Variants in AZIN2 observed in about 807,000 individuals in gnomAD.
AZIN2 encodes the protein ODC antizyme inhibitor-2.
AZIN2 carries 28 observed loss-of-function variants against 47.8 expected under a neutral mutation model. The ratio of observed to expected loss-of-function variants is 0.59; its 90% CI spans 0.43 to 0.80. AZIN2 has a LOEUF of 0.80. Among genes scored for constraint, AZIN2 ranks in the 30% least tolerant of loss-of-function variants. The pLI is 0.00. For missense variants in AZIN2, 535 were observed against 582.5 expected, an observed-to-expected ratio of 0.92 and a Z score of 0.84; for synonymous variants, 221 against 239.4, an observed-to-expected ratio of 0.92 and a Z score of 0.71.
intron 8 of AZIN2, among the ~76,000 whole-genome samples, chr1:33,096,390 G>A (rs1032035653): frequency 5.3e-5 from 8 of 152,118 alleles, no homozygotes; most frequent in African/African-American, 1.4e-4. Flanking sequence ...TAACAAACTG[G>A]TTATTTATGA....
At chr1:33,159,613 C>A in the AZIN2 span, 1 of 1,517,126 alleles carries the variant, frequency 6.6e-7, no homozygotes, top group Non-Finnish European at 8.8e-7. The surrounding 1 kb of genome is among the most constrained non-coding windows in gnomAD (Gnocchi z 4.2). Context: ...ATCCCATCTG[C>A]CTCCACTCCC....
chr1:33,092,027 C>G, intron 5 of AZIN2, 23 bp from the exon 6 acceptor site: 2 of 1,607,376 alleles, frequency 1.2e-6, no homozygotes, highest in Non-Finnish European at 1.7e-6. Context: ...TGCCTCCTTA[C>G]AACCACCTTT....
intron 10 of AZIN2, 59 bp from the exon 11 acceptor site, chr1:33,117,843 G>A: frequency 6.3e-7 from 1 of 1,580,830 alleles, no homozygotes; most frequent in South Asian, 1.1e-5. Context: ...TTGAGGGAGG[G>A]AGTGGCAAGG....
At chr1:33,089,378 G>A (rs1440178671) in intron 5 of AZIN2, among the ~76,000 whole-genome samples, 4 of 152,128 alleles carry the variant, frequency 2.6e-5, no homozygotes, top group African/African-American at 9.7e-5. Context: ...CAGGAGGACT[G>A]CTTGAGCCCA....
chr1:33,120,299 C>T lies in AZIN2; in HGVS notation c.*117C>T, dbSNP rs932611995. The stretch of plus-strand genomic sequence containing the variant: ...CAGGACTCTGGTGCCCACCCTGCCA[C>T]CCCCGCGCTCCACCTGCAGTGTTTC... On this transcript the variant is annotated 3_prime_UTR_variant, in exon 12 of 12. Transcript: ENST00000294517. The T allele has an allele frequency of 7.2e-7, 1 of 1,391,062 alleles. No individual in the cohort carries two copies. The highest frequency in any genetic ancestry group is 9.7e-7 in the Non-Finnish European group (1 of 1,029,960). 86.2% of individuals were successfully genotyped at this position (1,391,062 alleles called of 1,614,324 possible).
intron 4 of AZIN2, chr1:33,082,703 T>C (rs1227959297): frequency 5.1e-6 from 1 of 197,366 alleles, no homozygotes; most frequent in Admixed American, 5.3e-5. Flanking sequence ...TCTAGTTCAG[T>C]CTTCCTCTCT....
rs958745007 is a variant in AZIN2 at position 33,121,817 on chromosome 1, C to T, written c.*1635C>T. Among the ~76,000 whole-genome samples the T allele has an allele frequency of 6.6e-6, 1 of 152,202 alleles. No individual in the cohort carries two copies. Among genetic ancestry groups the T allele is most frequent in the Non-Finnish European group, 1.5e-5 (1 of 68,036 alleles). On this transcript the variant is annotated 3_prime_UTR_variant, in exon 12 of 12. Transcript: ENST00000294517. ...GAGCTTCTCTCTAGGTAAGCCTGAC[C>T]ATCCTGCTTCAGTATCTCAGCCAGT...
the AZIN2 span, among the ~76,000 whole-genome samples, chr1:33,151,439 C>T: frequency 3.9e-5 from 6 of 152,118 alleles, no homozygotes; most frequent in Non-Finnish European, 7.4e-5. Flanking sequence ...AACACAGGGT[C>T]TTGGCTCCTG....
the AZIN2 span, among the ~76,000 whole-genome samples, chr1:33,150,079 C>T: frequency 6.6e-6 from 1 of 152,222 alleles, no homozygotes; most frequent in African/African-American, 2.4e-5. Context: ...ACTCTCTGCT[C>T]CCTGAGGGAG....
chr1:33,122,119 C>T lies in AZIN2; in HGVS notation c.*1937C>T, dbSNP rs140318291. The stretch of plus-strand genomic sequence containing the variant: ...GTCTATCAGACTCTGAGACTTCTTC[C>T]ATCTCAGATCTCCAAGCACTCATAC... On this transcript the variant is annotated 3_prime_UTR_variant, in exon 12 of 12. Transcript: ENST00000294517. 3.1e-4 allele frequency among the ~76,000 whole-genome samples: 47 copies of T among 152,330 alleles called. No individual in the cohort carries two copies. The highest frequency in any genetic ancestry group is 5.1e-4 in the Non-Finnish European group (35 of 68,038).
chr1:33,152,515 C>T, the AZIN2 span, among the ~76,000 whole-genome samples: 1 of 145,206 alleles, frequency 6.9e-6, no homozygotes, highest in African/African-American at 2.6e-5. Context: ...TGTGGTGAGC[C>T]AAGATTGTGC....
chr1:33,146,581 C>T, the AZIN2 span: 22 of 161,050 alleles, frequency 1.4e-4, no homozygotes, highest in South Asian at 3.8e-3. Flanking sequence ...TTCCACAGGC[C>T]ACAGCATCAT....
intron 10 of AZIN2, among the ~76,000 whole-genome samples, chr1:33,103,265 G>A (rs923873594): frequency 3.9e-5 from 6 of 152,096 alleles, no homozygotes; most frequent in African/African-American, 1.4e-4. Context: ...ACCACAACGA[G>A]CAAGGCTCCT....
At chr1:33,165,998 T>A in the AZIN2 span, 2 of 153,824 alleles carry the variant, frequency 1.3e-5, no homozygotes, top group Admixed American at 1.3e-4. This position sits in a 1 kb window ranked among gnomAD's most constrained non-coding sequence, Gnocchi z 4.0. Context: ...ACCATCTGTA[T>A]TTGCAGCCGC....
chr1:33,153,791 G>A, the AZIN2 span, among the ~76,000 whole-genome samples: 3 of 152,146 alleles, frequency 2.0e-5, no homozygotes, highest in African/African-American at 7.2e-5. Flanking sequence ...TTTTATTGAG[G>A]CGCTATTCTA....
At chr1:33,117,765 C>A in intron 10 of AZIN2, 137 bp from the exon 11 acceptor site, 1 of 934,466 alleles carries the variant, frequency 1.1e-6, no homozygotes, top group South Asian at 1.3e-5. Context: ...GTGGGAAGGG[C>A]CTTAAATGCT....
intron 10 of AZIN2, among the ~76,000 whole-genome samples, chr1:33,099,313 A>C (rs1262298293): frequency 6.6e-6 from 1 of 151,708 alleles, no homozygotes; most frequent in Non-Finnish European, 1.5e-5. Context: ...CAGGCACCCT[A>C]GATGTGCTTG....
the AZIN2 span, among the ~76,000 whole-genome samples, chr1:33,137,466 G>C: frequency 6.6e-6 from 1 of 152,156 alleles, no homozygotes; most frequent in South Asian, 2.1e-4. Context: ...AGGCGTACAG[G>C]GACTTTGAGA....
chr1:33,145,410 G>A, the AZIN2 span: 4 of 162,046 alleles, frequency 2.5e-5, no homozygotes, highest in Admixed American at 2.3e-4. Flanking sequence ...ACTGACATCT[G>A]TAACTTTAAT....
Sources: allele counts gnomAD v4.1 joint callset (sites outside exome capture counted in the v4.1 genomes callset), GRCh38; gene constraint gnomAD v4.1.1; non-coding constraint Gnocchi (gnomAD v3.1); transcripts MANE v1.5; gene names NCBI Gene and HGNC (gene_info 2026-07-23, HGNC 2026-07-21).